DPP6: variants seen among roughly 807,000 people sequenced by gnomAD.
DPP6 encodes dipeptidyl peptidase like 6.
DPP6 carries 69 observed loss-of-function variants against 122.6 expected under a neutral mutation model. The observed-to-expected ratio is 0.56, with a 90% CI of 0.46 to 0.69. DPP6 has a LOEUF of 0.69. Among genes scored for constraint, DPP6 ranks in the 30% least tolerant of loss-of-function variants. The pLI is 0.00. For missense variants in DPP6, 928 were observed against 1,116.9 expected, an observed-to-expected ratio of 0.83 and a Z score of 2.41; for synonymous variants, 418 against 433.1, an observed-to-expected ratio of 0.97 and a Z score of 0.43.
At chr7:154,836,031 A>G (rs975275444) in intron 16 of DPP6, among the ~76,000 whole-genome samples, 2 of 152,196 alleles carry the variant, frequency 1.3e-5, no homozygotes, top group African/African-American at 4.8e-5. Context: ...CAGGCACACT[A>G]TGACCTTCAG....
the DPP6 span, among the ~76,000 whole-genome samples, chr7:153,755,470 C>T: frequency 6.8e-6 from 1 of 146,318 alleles, no homozygotes; most frequent in African/African-American, 2.6e-5. Context: ...TATCACTTGT[C>T]AAATCTGAAA....
At chr7:154,485,038 T>G (rs1240261714) in intron 3 of DPP6, among the ~76,000 whole-genome samples, 1 of 152,144 alleles carries the variant, frequency 6.6e-6, no homozygotes, top group Non-Finnish European at 1.5e-5. Flanking sequence ...GTATTTCCAC[T>G]GCTTTTTGGA....
intron 6 of DPP6, among the ~76,000 whole-genome samples, chr7:154,649,735 C>A (rs1836749047): frequency 6.6e-6 from 1 of 152,228 alleles, no homozygotes; most frequent in African/African-American, 2.4e-5. Flanking sequence ...GAGCAGCAGC[C>A]TGACTGTGCC....
intron 5 of DPP6, among the ~76,000 whole-genome samples, chr7:154,567,712 AG>A (rs768655488): frequency 6.6e-6 from 1 of 152,208 alleles, no homozygotes; most frequent in Non-Finnish European, 1.5e-5. Flanking sequence ...TTTGAAATAG[AG>A]TTTCCTGGTG....
chr7:154,429,887 C>T (rs79127918), intron 1 of DPP6, among the ~76,000 whole-genome samples: 4,041 of 152,266 alleles, frequency 0.027, 186 homozygotes, highest in African/African-American at 0.093. Context: ...TATTATATTC[C>T]AGTCCTGGCA....
At chr7:154,538,146 C>T (rs77059725) in intron 3 of DPP6, among the ~76,000 whole-genome samples, 4,674 of 152,108 alleles carry the variant, frequency 0.031, 238 homozygotes, top group African/African-American at 0.1. Flanking sequence ...AGTAATCATA[C>T]GTTCTAATTC....
intron 1 of DPP6, among the ~76,000 whole-genome samples, chr7:153,905,250 C>G (rs745970493): frequency 1.3e-5 from 2 of 152,098 alleles, no homozygotes; most frequent in African/African-American, 4.8e-5. Context: ...CTTTTGGGAA[C>G]AGAGGATCTG....
chr7:154,253,933 G>A (rs1347320568), intron 1 of DPP6, among the ~76,000 whole-genome samples: 1 of 152,190 alleles, frequency 6.6e-6, no homozygotes, highest in Non-Finnish European at 1.5e-5. Context: ...GAGGGAGAGC[G>A]AGAGAGAGCA....
chr7:154,398,219 C>G (rs1815257911), intron 1 of DPP6, among the ~76,000 whole-genome samples: 1 of 152,130 alleles, frequency 6.6e-6, no homozygotes, highest in Non-Finnish European at 1.5e-5. Context: ...TTAGTTTTGC[C>G]AATACCTCTG....
intron 4 of DPP6, among the ~76,000 whole-genome samples, chr7:154,547,198 T>C (rs1829266336): frequency 2.6e-5 from 4 of 152,186 alleles, no homozygotes; most frequent in Admixed American, 2.6e-4. Context: ...GCAACTTCAG[T>C]GGGCCAGCAA....
At chr7:154,273,174 A>G (rs1803905826) in intron 1 of DPP6, among the ~76,000 whole-genome samples, 1 of 152,124 alleles carries the variant, frequency 6.6e-6, no homozygotes, top group South Asian at 2.1e-4. Context: ...AGTGCAATCA[A>G]TTTGCAATTC....
At chr7:154,215,780 A>G (rs1038250974) in intron 1 of DPP6, among the ~76,000 whole-genome samples, 2 of 152,078 alleles carry the variant, frequency 1.3e-5, no homozygotes, top group African/African-American at 2.4e-5. Flanking sequence ...GAAAAGAAAC[A>G]CTGGCCTAGA....
At chr7:154,042,494 C>G (rs1402096821) in intron 1 of DPP6, among the ~76,000 whole-genome samples, 2 of 152,154 alleles carry the variant, frequency 1.3e-5, no homozygotes, top group South Asian at 2.1e-4. Context: ...TCAAGCTTTT[C>G]TCAGTGTTCG....
intron 7 of DPP6, among the ~76,000 whole-genome samples, chr7:154,711,767 C>T (rs1366692106): frequency 5.3e-5 from 8 of 152,146 alleles, no homozygotes; most frequent in South Asian, 2.1e-4. Flanking sequence ...AAAACCAAAT[C>T]GTGCCTGATT....
intron 1 of DPP6, among the ~76,000 whole-genome samples, chr7:154,409,320 T>C (rs956603137): frequency 3.3e-5 from 5 of 152,038 alleles, no homozygotes; most frequent in Non-Finnish European, 1.5e-5. Flanking sequence ...CATGAAAGTA[T>C]AGAGGGAGAG....
intron 1 of DPP6, among the ~76,000 whole-genome samples, chr7:154,027,563 T>C (rs1185117652): frequency 6.6e-6 from 1 of 152,122 alleles, no homozygotes; most frequent in Non-Finnish European, 1.5e-5. Flanking sequence ...ACTCCCAAAG[T>C]CCACCTCCTA....
At chr7:154,417,557 C>T (rs1817132415) in intron 1 of DPP6, among the ~76,000 whole-genome samples, 1 of 152,126 alleles carries the variant, frequency 6.6e-6, no homozygotes, top group Non-Finnish European at 1.5e-5. Context: ...TCCCTCCCCA[C>T]CTCCCACCCC....
intron 5 of DPP6, among the ~76,000 whole-genome samples, chr7:154,627,808 T>C (rs559742951): frequency 3.4e-4 from 51 of 152,226 alleles, no homozygotes; most frequent in Non-Finnish European, 5.0e-4. Context: ...GAGTGCCCAG[T>C]GAGAGGTACA....
intron 2 of DPP6, among the ~76,000 whole-genome samples, chr7:154,464,761 T>C (rs945738623): frequency 6.6e-6 from 1 of 152,196 alleles, no homozygotes; most frequent in African/African-American, 2.4e-5. Context: ...TTGGATTATT[T>C]CTACTTGAAA....
Sources: gnomAD v4.1 joint callset for allele counts (sites outside exome capture counted in the v4.1 genomes callset) on GRCh38, gnomAD v4.1.1 for gene constraint, MANE v1.5 for transcripts, NCBI Gene and HGNC (gene_info 2026-07-23, HGNC 2026-07-21) for gene names.